PARP8: variants seen among roughly 807,000 people sequenced by gnomAD.
PARP8 encodes the protein protein mono-ADP-ribosyltransferase PARP8.
Under a neutral mutation model 124.1 loss-of-function variants are expected in PARP8, and 51 were observed. The observed-to-expected ratio is 0.41, with a 90% CI of 0.33 to 0.52. The LOEUF (loss-of-function observed/expected upper bound fraction) is 0.52. Ranked by LOEUF, PARP8 falls within the 20% of genes least tolerant of loss-of-function variation. The pLI is 0.21. For synonymous variants in PARP8, 391 were observed against 361.5 expected (o/e 1.08, Z -0.93); for missense variants, 860 against 1,018.9 (o/e 0.84, Z 2.12).
intron 7 of PARP8, among the ~76,000 whole-genome samples, chr5:50,777,452 G>A (rs1046595556): frequency 1.2e-4 from 18 of 151,878 alleles, no homozygotes; most frequent in African/African-American, 2.4e-4. Flanking sequence ...TCTTTCATTC[G>A]CTTAAGAAGT....
intron 18 of PARP8, 148 bp from the exon 19 acceptor site, chr5:50,826,607 C>A: frequency 9.7e-7 from 1 of 1,025,928 alleles, no homozygotes; most frequent in Non-Finnish European, 1.3e-6. Flanking sequence ...TTTCAGGAAA[C>A]AAACCTAAAT....
Position 50,759,577 on chromosome 5 carries a change from T to C in PARP8, c.185-66T>C, listed in dbSNP as rs1020514124. On this transcript the variant is annotated intron_variant, in intron 3 of 25. Coordinates refer to ENST00000281631, the MANE Select transcript of PARP8 (RefSeq NM_024615.4). ...AGTGATGTGCATATAAATTAGCTAT[T>C]ATTTTTGTAAAGGATGTATTTTTTA... The C allele has an allele frequency of 2.3e-5, 34 of 1,464,138 alleles. No homozygotes were observed. The African/African-American group carries it at 3.5e-4, about 15-fold the overall frequency. The allele number at this position is 1,464,138 out of a possible 1,614,324, so 90.7% of individuals were successfully genotyped here.
At chr5:50,793,060 T>C (rs1241230950) in intron 10 of PARP8, among the ~76,000 whole-genome samples, 1 of 152,142 alleles carries the variant, frequency 6.6e-6, no homozygotes, top group Non-Finnish European at 1.5e-5. Flanking sequence ...CTATGCTAAC[T>C]TGGGCAGATT....
At chr5:50,766,161 T>C (rs1477072534) in intron 7 of PARP8, among the ~76,000 whole-genome samples, 1 of 152,170 alleles carries the variant, frequency 6.6e-6, no homozygotes, top group Non-Finnish European at 1.5e-5. Flanking sequence ...ATATATTACT[T>C]AAGTAGGTAA....
chr5:50,738,436 A>G (rs980781054), intron 2 of PARP8, among the ~76,000 whole-genome samples: 3 of 152,200 alleles, frequency 2.0e-5, no homozygotes, highest in African/African-American at 4.8e-5. Context: ...TTGTGTATTT[A>G]CTACATTAAA....
chr5:50,796,862 T>C, intron 12 of PARP8, 120 bp from the exon 13 acceptor site: 1 of 834,548 alleles, frequency 1.2e-6, no homozygotes, highest in Middle Eastern at 3.5e-4. Flanking sequence ...GTGACTCAAT[T>C]CATATTTCAT....
chr5:50,801,378 C>T (rs1377989093), intron 14 of PARP8, among the ~76,000 whole-genome samples: 1 of 151,940 alleles, frequency 6.6e-6, no homozygotes, highest in Non-Finnish European at 1.5e-5. Context: ...GGATTACAGG[C>T]GTGAGCCACC....
intron 2 of PARP8, among the ~76,000 whole-genome samples, chr5:50,726,485 A>G (rs552287929): frequency 1.3e-5 from 2 of 152,334 alleles, no homozygotes; most frequent in South Asian, 4.1e-4. Flanking sequence ...TTGTTTAGCC[A>G]CATGATTAGC....
intron 19 of PARP8, among the ~76,000 whole-genome samples, chr5:50,827,493 C>T (rs1354068128): frequency 2.6e-5 from 4 of 152,044 alleles, no homozygotes; most frequent in Non-Finnish European, 4.4e-5. Flanking sequence ...TAAATATATG[C>T]AAATAAAGCA....
intron 14 of PARP8, among the ~76,000 whole-genome samples, chr5:50,800,866 C>T (rs1288995775): frequency 3.3e-5 from 5 of 151,312 alleles, no homozygotes; most frequent in South Asian, 2.1e-4. Flanking sequence ...AAGTGATCCT[C>T]CCACCTCAGC....
At chr5:50,691,807 T>C (rs1377994672) in intron 2 of PARP8, among the ~76,000 whole-genome samples, 3 of 152,240 alleles carry the variant, frequency 2.0e-5, no homozygotes, top group Non-Finnish European at 4.4e-5. Context: ...AAGTTTCTCA[T>C]GCCAGTGCCT....
intron 18 of PARP8, among the ~76,000 whole-genome samples, chr5:50,826,235 CAATTT>C (rs1285807010): frequency 6.6e-6 from 1 of 151,808 alleles, no homozygotes; most frequent in African/African-American, 2.4e-5. Flanking sequence ...TCAGATACTT[CAATTT>C]AATTTTTTTC....
rs541169629 is a variant in PARP8, at chr5:50,844,694, A to T, written c.*2626A>T. ...AGTAACCCACTGAGCAAAGGCAGTC[A>T]TTTATTTTCATCCTTGAAGTAGGGG... On this transcript the variant is annotated 3_prime_UTR_variant, in exon 26 of 26. Transcript: ENST00000281631. 6.6e-6 allele frequency: 1 copy of T among 151,928 alleles called. No individual in the cohort carries two copies. Among genetic ancestry groups the T allele is most frequent in the South Asian group, 2.1e-4 (1 of 4,832 alleles). 9.4% of individuals were successfully genotyped at this position (151,928 alleles called of 1,614,324 possible). A position where few individuals can be genotyped will look rare whatever the true frequency, so the allele number is the denominator to read the frequency against.
At chr5:50,772,987 C>T (rs1273999388) in intron 7 of PARP8, among the ~76,000 whole-genome samples, 1 of 152,200 alleles carries the variant, frequency 6.6e-6, no homozygotes, top group Non-Finnish European at 1.5e-5. Context: ...CATGAGCCAC[C>T]ACACCTGGAC....
chr5:50,832,707 A>G, intron 22 of PARP8, 74 bp from the exon 23 acceptor site: 9 of 1,430,918 alleles, frequency 6.3e-6, no homozygotes, highest in Admixed American at 1.7e-5. Context: ...GGAACTTTGC[A>G]TAGTAGGTCG....
chr5:50,744,841 T>G, intron 2 of PARP8: 1 of 684,892 alleles, frequency 1.5e-6, no homozygotes, highest in Non-Finnish European at 2.6e-6. Flanking sequence ...GTCCACCTTC[T>G]TTCACTTTCA....
Position 50,841,936 on chromosome 5 carries a change from G to GT in PARP8, c.2463-25dup, listed in dbSNP as rs1345006732. On this transcript the variant is annotated intron_variant, in intron 25 of 25. Coordinates refer to ENST00000281631, the MANE Select transcript of PARP8 (RefSeq NM_024615.4). Reference sequence around the variant, plus strand: ...TTTAAATGCTGCCATCTTTTAAAATGTTTTTATATTTTTATGTTTTGTATT... The same window carrying GT: ...TTTAAATGCTGCCATCTTTTAAAATGTTTTTTATATTTTTATGTTTTGTATT... 3 of 1,466,276 alleles carry GT rather than the reference G, an allele frequency of 2.0e-6. No individual in the cohort carries two copies. The South Asian group carries it at 3.6e-5, about 17-fold the overall frequency. 90.8% of individuals were successfully genotyped at this position (1,466,276 alleles called of 1,614,324 possible). A position where few individuals can be genotyped will look rare whatever the true frequency, so the allele number is the denominator to read the frequency against.
rs1554057268 is a variant in PARP8 at position 50,764,813 on chromosome 5, C to CTTTCT, written c.518+1574_518+1575insCTTTT. Among the ~76,000 whole-genome samples the CTTTCT allele has an allele frequency of 2.2e-5, 3 of 138,542 alleles. No homozygotes were observed. The East Asian group carries it at 6.3e-4, about 29-fold the overall frequency. The allele number at this position is 138,542 out of a possible 152,430, so 90.9% of individuals were successfully genotyped here. On this transcript the variant is annotated intron_variant, in intron 7 of 25. Coordinates refer to ENST00000281631, the MANE Select transcript of PARP8 (RefSeq NM_024615.4). ...TCCAAAACAATGGCTGTGTTTTTTT[C>CTTTCT]TTTTTTTTTTTTTTAACAGTAATTG...
chr5:50,834,917 T>C lies in PARP8; in HGVS notation c.2378-14T>C, dbSNP rs1236177691. The C allele has an allele frequency of 6.2e-7, 1 of 1,607,468 alleles. No homozygotes were observed. Among genetic ancestry groups the C allele is most frequent in the Non-Finnish European group, 8.5e-7 (1 of 1,174,544 alleles). The stretch of plus-strand genomic sequence containing the variant: ...GAATAAAGTGGTTCTTTAATTTTAT[T>C]TTCCACTTAACAGTGATCACCTCAT... On this transcript the variant is annotated splice_polypyrimidine_tract_variant and intron_variant, in intron 24 of 25. Coordinates refer to ENST00000281631, the MANE Select transcript of PARP8 (RefSeq NM_024615.4).
Sources: allele counts gnomAD v4.1 joint callset (sites outside exome capture counted in the v4.1 genomes callset), GRCh38; gene constraint gnomAD v4.1.1; transcripts MANE v1.5; gene names NCBI Gene and HGNC (gene_info 2026-07-23, HGNC 2026-07-21).